The following GABRB1 variants were observed in gnomAD, a reference collection of about 807,000 sequenced individuals.
GABRB1 encodes gamma-aminobutyric acid type A receptor subunit beta1.
In GABRB1, 17 loss-of-function variants were observed where a neutral mutation model predicts 51.6. The ratio of observed to expected loss-of-function variants is 0.33; its 90% CI spans 0.23 to 0.49. The LOEUF (loss-of-function observed/expected upper bound fraction) is 0.49. Ranked by LOEUF, GABRB1 falls within the 20% of genes least tolerant of loss-of-function variation. GABRB1 has a pLI of 0.99. For missense variants in GABRB1, 410 were observed against 600.6 expected (o/e 0.68, Z 3.32); for synonymous variants, 247 against 218.9 (o/e 1.13, Z -1.14).
At chr4:47,355,258 G>A (rs1254630188) in intron 5 of GABRB1, among the ~76,000 whole-genome samples, 1 of 151,962 alleles carries the variant, frequency 6.6e-6, no homozygotes, top group Non-Finnish European at 1.5e-5. Flanking sequence ...TGGGATTACT[G>A]GCGTGAGCCA....
chr4:47,079,578 G>A (rs1447254509), intron 3 of GABRB1, among the ~76,000 whole-genome samples: 2 of 151,918 alleles, frequency 1.3e-5, no homozygotes, highest in African/African-American at 2.4e-5. Flanking sequence ...GTTCACAATA[G>A]CAAAGACTTG....
At position 47,031,987 on chromosome 4, in the gene GABRB1, T is replaced by C. The variant is rs1725322832; in HGVS notation, c.154T>C (p.Leu52=). 8.7e-6 allele frequency: 14 copies of C among 1,613,572 alleles called. No homozygotes were observed. Among genetic ancestry groups the C allele is most frequent in the Non-Finnish European group, 1.2e-5 (14 of 1,179,934 alleles). Residue 52 remains leucine (L), a synonymous_variant, in exon 2 of 9, where the codon TTG becomes CTG. Coordinates refer to ENST00000295454, the MANE Select transcript of GABRB1 (RefSeq NM_000812.4). ...ATTGCTCAAAGGATATGACATTCGC[T>C]TGCGGCCGGACTTCGGAGGTAACGC... is the stretch of plus-strand genomic sequence containing the variant. The part of the protein sequence containing the change: ...DRLLKGYDIR[L]RPDFGGPPVD...
chr4:47,160,289 A>G (rs2109735489), intron 3 of GABRB1, among the ~76,000 whole-genome samples: 1 of 152,264 alleles, frequency 6.6e-6, no homozygotes, highest in South Asian at 2.1e-4. Flanking sequence ...GAAATGAAAC[A>G]GGAATGTGGT....
intron 8 of GABRB1, among the ~76,000 whole-genome samples, chr4:47,420,633 G>A (rs1336060889): frequency 2.6e-5 from 4 of 152,162 alleles, no homozygotes; most frequent in Admixed American, 2.0e-4. Flanking sequence ...TTGAGGCAAT[G>A]TACAACATGA....
At chr4:47,014,452 T>C (rs1037802973) in intron 1 of GABRB1, among the ~76,000 whole-genome samples, 8 of 152,302 alleles carry the variant, frequency 5.3e-5, no homozygotes, top group African/African-American at 1.7e-4. Flanking sequence ...TTATGTTTTA[T>C]AAAGCAAATT....
At chr4:47,285,075 G>A (rs1446181343) in intron 4 of GABRB1, among the ~76,000 whole-genome samples, 1 of 152,166 alleles carries the variant, frequency 6.6e-6, no homozygotes, top group Non-Finnish European at 1.5e-5. Context: ...TTGCAGAGAA[G>A]ATTTCAGCCT....
intron 5 of GABRB1, among the ~76,000 whole-genome samples, chr4:47,368,711 G>A (rs1019018869): frequency 6.6e-6 from 1 of 151,994 alleles, no homozygotes; most frequent in Non-Finnish European, 1.5e-5. Flanking sequence ...AAGACCCTTA[G>A]TCTAGGTTTT....
intron 4 of GABRB1, among the ~76,000 whole-genome samples, chr4:47,167,170 A>G (rs563850424): frequency 6.6e-6 from 1 of 152,254 alleles, no homozygotes; most frequent in African/African-American, 2.4e-5. Flanking sequence ...AATAGTTGTC[A>G]GCTGCAACAT....
chr4:47,319,475 A>G (rs1004332778), intron 4 of GABRB1, among the ~76,000 whole-genome samples: 3 of 152,110 alleles, frequency 2.0e-5, no homozygotes, highest in Non-Finnish European at 4.4e-5. Context: ...GTTGTATCAC[A>G]TTGATTGATT....
intron 1 of GABRB1, among the ~76,000 whole-genome samples, chr4:47,010,468 C>G (rs1360496785): frequency 6.6e-6 from 1 of 152,186 alleles, no homozygotes; most frequent in Non-Finnish European, 1.5e-5. Flanking sequence ...GCCTCCTACT[C>G]TAATAGTCTG....
At chr4:46,995,798 A>T (rs1202526266) in intron 1 of GABRB1, among the ~76,000 whole-genome samples, 1 of 152,246 alleles carries the variant, frequency 6.6e-6, no homozygotes, top group Non-Finnish European at 1.5e-5. Context: ...AAACAGTTAC[A>T]TATCGTATCT....
At chr4:47,246,081 C>G (rs866565973) in intron 4 of GABRB1, among the ~76,000 whole-genome samples, 5 of 149,302 alleles carry the variant, frequency 3.3e-5, no homozygotes, top group South Asian at 4.2e-4. Flanking sequence ...TTCTCCCCCC[C>G]CAAGTCCCCA....
At chr4:47,149,199 G>A (rs2109711726) in intron 3 of GABRB1, among the ~76,000 whole-genome samples, 1 of 152,078 alleles carries the variant, frequency 6.6e-6, no homozygotes, top group African/African-American at 2.4e-5. Flanking sequence ...ACAGTTAAAT[G>A]TTCAGAAACA....
chr4:47,135,018 A>G (rs989044208), intron 3 of GABRB1, among the ~76,000 whole-genome samples: 2 of 152,142 alleles, frequency 1.3e-5, no homozygotes, highest in African/African-American at 2.4e-5. Flanking sequence ...TCAGATACTC[A>G]GAAGTCTCAC....
intron 4 of GABRB1, among the ~76,000 whole-genome samples, chr4:47,190,768 CAT>C (rs888994487): frequency 2.3e-4 from 35 of 152,210 alleles, no homozygotes; most frequent in African/African-American, 8.4e-4. Context: ...CTTGTGAAAA[CAT>C]ATATTTTGAT....
intron 8 of GABRB1, among the ~76,000 whole-genome samples, chr4:47,410,403 CAACTTTCAAAAGGAA>C (rs1279738795): frequency 3.9e-5 from 6 of 152,094 alleles, no homozygotes; most frequent in Non-Finnish European, 7.4e-5. Context: ...AAAAGAGAAT[CAACTTTCAAAAGGAA>C]GGAACCACAC....
intron 4 of GABRB1, among the ~76,000 whole-genome samples, chr4:47,254,306 A>G (rs901115881): frequency 1.3e-5 from 2 of 150,818 alleles, no homozygotes; most frequent in African/African-American, 2.4e-5. Context: ...AAGTCTTAGA[A>G]CATGGTATTT....
chr4:47,054,230 A>G (rs1355657743), intron 3 of GABRB1, among the ~76,000 whole-genome samples: 2 of 152,118 alleles, frequency 1.3e-5, no homozygotes, highest in Non-Finnish European at 2.9e-5. Context: ...TTACAGGCAG[A>G]ACCTTGAACA....
At chr4:47,237,199 G>C (rs142846048) in intron 4 of GABRB1, among the ~76,000 whole-genome samples, 195 of 152,004 alleles carry the variant, frequency 1.3e-3, no homozygotes, top group African/African-American at 4.0e-3. Flanking sequence ...AGTTTAACTT[G>C]GAGTACATCA....
Sources: allele counts gnomAD v4.1 joint callset (sites outside exome capture counted in the v4.1 genomes callset), GRCh38; gene constraint gnomAD v4.1.1; transcripts MANE v1.5; gene names NCBI Gene and HGNC (gene_info 2026-07-23, HGNC 2026-07-21).